Variants in MYH16 observed in about 807,000 individuals in gnomAD.
MYH16 encodes the protein putative uncharacterized protein MYH16.
At chr7:99,276,949 GACAGAA>G (rs1245931028) in intron 20 of MYH16, among the ~76,000 whole-genome samples, 1 of 151,776 alleles carries the variant, frequency 6.6e-6, no homozygotes. Flanking sequence ...CAGAGAGAAA[GACAGAA>G]ACAGAAACAC....
chr7:99,279,506 A>G lies in MYH16; in HGVS notation n.2660-4A>G, dbSNP rs1792171218. On this transcript the variant is annotated splice_polypyrimidine_tract_variant and splice_region_variant and intron_variant and non_coding_transcript_variant, in intron 21 of 41. Transcript: ENST00000439784. ...TCCTCGACCGGGGCTCTTTCTCCCA[A>G]CAGGAGCAAGAGAACCTGATGGATG... The G allele has an allele frequency of 4.4e-6, 2 of 456,496 alleles. No individual in the cohort carries two copies. The highest frequency in any genetic ancestry group is 1.5e-5 in the South Asian group (1 of 64,546). The allele number at this position is 456,496 out of a possible 1,614,324, so 28.3% of individuals were successfully genotyped here.
At chr7:99,245,980 T>C (rs1374401262) in intron 2 of MYH16, among the ~76,000 whole-genome samples, 1 of 151,540 alleles carries the variant, frequency 6.6e-6, no homozygotes, top group Non-Finnish European at 1.5e-5. Context: ...CGTGGGTGGA[T>C]TGTTTGAGGA....
At chr7:99,288,869 C>T (rs1216695765) in intron 29 of MYH16, among the ~76,000 whole-genome samples, 1 of 151,944 alleles carries the variant, frequency 6.6e-6, no homozygotes. Context: ...AATCCCAGCA[C>T]TTTGAGAGGC....
chr7:99,299,927 T>TTTTATTTATTTA (rs61663432), intron 37 of MYH16, among the ~76,000 whole-genome samples: 316 of 138,222 alleles, frequency 2.3e-3, no homozygotes, highest in African/African-American at 2.5e-3. Flanking sequence ...TTTTATTTTA[T>TTTTATTTATTTA]TTTATTTATT....
exon 22 of MYH16, chr7:99,279,538 A>G (rs1474957823): frequency 1.5e-5 from 7 of 456,550 alleles, no homozygotes; most frequent in Middle Eastern, 3.3e-4. Flanking sequence ...GATGCAGAGG[A>G]GCGCCTGACA....
At chr7:99,260,161 C>G (rs1791924057) in intron 11 of MYH16, 6 of 1,604,382 alleles carry the variant, frequency 3.7e-6, no homozygotes, top group Non-Finnish European at 5.1e-6. Flanking sequence ...CCTGCCGCCA[C>G]AGTTCAACAG....
chr7:99,285,313 A>G, intron 26 of MYH16, 69 bp from the exon 9 acceptor site: 1 of 450,422 alleles, frequency 2.2e-6, no homozygotes, highest in African/African-American at 2.0e-5. Context: ...TTCCGTCCTA[A>G]AAGGCTAAGG....
exon 40 of MYH16, chr7:99,304,660 C>G (rs184417287): frequency 2.6e-5 from 4 of 152,788 alleles, no homozygotes; most frequent in African/African-American, 9.7e-5. Context: ...AGAAGAACTA[C>G]GAGGTCACCA....
At chr7:99,294,505 AAAAAAAAAAAAAAAAAAAAG>A (rs1438901344) in intron 33 of MYH16, among the ~76,000 whole-genome samples, 1 of 132,076 alleles carries the variant, frequency 7.6e-6, no homozygotes, top group Non-Finnish European at 1.5e-5. Flanking sequence ...TGTCTCAAAA[AAAAAAAAAAAAAAAAAAAAG>A]AAAAAGAAAA....
At chr7:99,298,105 T>G (rs1792530427) in intron 36 of MYH16, 110 bp downstream of exon 17, 3 of 391,334 alleles carry the variant, frequency 7.7e-6, no homozygotes, top group South Asian at 5.7e-5. Context: ...GCAATTCAGG[T>G]GAACCTTGCT....
intron 32 of MYH16, among the ~76,000 whole-genome samples, chr7:99,292,949 G>A (rs1792411192): frequency 8.2e-6 from 1 of 122,122 alleles, no homozygotes; most frequent in African/African-American, 3.8e-5. Context: ...AACAGAGCAG[G>A]ATCCTGTCTC....
intron 22 of MYH16, among the ~76,000 whole-genome samples, chr7:99,280,485 C>T (rs1255883950): frequency 1.3e-5 from 2 of 152,214 alleles, no homozygotes; most frequent in African/African-American, 4.8e-5. Context: ...GGCCCCTGGT[C>T]CCAAGGTCCC....
downstream of MYH16, among the ~76,000 whole-genome samples, chr7:99,308,391 C>T (rs1314728927): frequency 1.3e-5 from 2 of 151,170 alleles, no homozygotes; most frequent in African/African-American, 4.9e-5. Context: ...ACAATCAGAA[C>T]CCATCATCCC....
At chr7:99,264,254 A>G (rs1159255163) in exon 15 of MYH16, 1 of 152,684 alleles carries the variant, frequency 6.5e-6, no homozygotes, top group Non-Finnish European at 1.5e-5. Context: ...CCTCAGCCGG[A>G]AGCAAGAAGC....
chr7:99,286,811 G>T (rs1035815538), intron 28 of MYH16, among the ~76,000 whole-genome samples: 8 of 151,632 alleles, frequency 5.3e-5, no homozygotes, highest in Non-Finnish European at 8.8e-5. Context: ...AAAATTAGCT[G>T]GGCATGGTGG....
intron 30 of MYH16, among the ~76,000 whole-genome samples, chr7:99,290,512 A>G (rs971111884): frequency 6.9e-6 from 1 of 143,956 alleles, no homozygotes; most frequent in Non-Finnish European, 1.5e-5. Context: ...AAAAAAATCA[A>G]TATCCAGCCG....
intron 29 of MYH16, among the ~76,000 whole-genome samples, chr7:99,288,715 T>A (rs1384021114): frequency 6.6e-6 from 1 of 151,786 alleles, no homozygotes. Context: ...AAATAAAAAA[T>A]AAAATAACCT....
chr7:99,287,832 G>C, intron 28 of MYH16, 60 bp from the exon 10 acceptor site: 1 of 431,378 alleles, frequency 2.3e-6, no homozygotes, highest in South Asian at 1.6e-5. Flanking sequence ...GCTGGGCGGT[G>C]TCCACCCGGA....
At chr7:99,263,632 T>C (rs987003874) in intron 14 of MYH16, among the ~76,000 whole-genome samples, 4 of 152,118 alleles carry the variant, frequency 2.6e-5, no homozygotes, top group African/African-American at 9.7e-5. Context: ...AGATAGGCCA[T>C]GGATGATACT....
Sources: gnomAD v4.1 joint callset for allele counts (sites outside exome capture counted in the v4.1 genomes callset) on GRCh38, gnomAD v4.1.1 for gene constraint, MANE v1.5 for transcripts, NCBI Gene and HGNC (gene_info 2026-07-23, HGNC 2026-07-21) for gene names.